Variants in CTDSPL2 observed in about 807,000 individuals in gnomAD.
CTDSPL2 encodes CTD small phosphatase like 2.
In CTDSPL2, 5 loss-of-function variants were observed where a neutral mutation model predicts 60.0. The observed-to-expected ratio is 0.08, with a 90% CI of 0.04 to 0.18. The LOEUF (loss-of-function observed/expected upper bound fraction) is 0.18. Among genes scored for constraint, CTDSPL2 ranks in the 10% least tolerant of loss-of-function variants. The pLI is 1.00. For synonymous variants in CTDSPL2, 186 were observed against 189.3 expected (o/e 0.98, Z 0.14); for missense variants, 370 against 548.8 (o/e 0.67, Z 3.26).
rs543328606 is a variant in CTDSPL2, at chr15:44,521,663, G to A, written c.1335+257G>A. On this transcript the variant is annotated intron_variant, in intron 12 of 12. Transcript: ENST00000260327. ...TCTTTAAAACATAATGATGGGCCGG[G>A]CGCGGTGGCTCACGCCTGTAATCCC... 7.2e-5 allele frequency among the ~76,000 whole-genome samples: 11 copies of A among 152,206 alleles called. No homozygotes were observed. The East Asian group carries it at 2.1e-3, about 29-fold the overall frequency.
intron 1 of CTDSPL2, among the ~76,000 whole-genome samples, chr15:44,446,200 A>G (rs1303063275): frequency 1.3e-5 from 2 of 152,170 alleles, no homozygotes; most frequent in African/African-American, 2.4e-5. Flanking sequence ...CTGGGATTAC[A>G]GGTATGAACC....
intron 1 of CTDSPL2, among the ~76,000 whole-genome samples, chr15:44,439,141 A>ATTATTG (rs1555429956): frequency 6.7e-6 from 1 of 149,308 alleles, no homozygotes; most frequent in African/African-American, 2.5e-5. Flanking sequence ...TATTATTATT[A>ATTATTG]TTGTTATTTA....
At chr15:44,514,739 T>A in intron 9 of CTDSPL2, 26 bp from the exon 10 acceptor site, 1 of 1,557,178 alleles carries the variant, frequency 6.4e-7, no homozygotes, top group Non-Finnish European at 8.8e-7. Flanking sequence ...TGTATAATGA[T>A]TACTTCTTTT....
At chr15:44,466,800 A>G (rs1009337151) in intron 2 of CTDSPL2, among the ~76,000 whole-genome samples, 3 of 151,392 alleles carry the variant, frequency 2.0e-5, no homozygotes, top group Non-Finnish European at 4.4e-5. Flanking sequence ...TTAGCTGGGC[A>G]TGGTGGCGGG....
intron 2 of CTDSPL2, among the ~76,000 whole-genome samples, chr15:44,468,209 T>C (rs2080735274): frequency 6.6e-6 from 1 of 152,166 alleles, no homozygotes. Flanking sequence ...GTGGGGTATC[T>C]TTTACTGTAA....
At chr15:44,507,563 G>T (rs2081491375) in intron 8 of CTDSPL2, among the ~76,000 whole-genome samples, 1 of 152,196 alleles carries the variant, frequency 6.6e-6, no homozygotes, top group African/African-American at 2.4e-5. Context: ...AGTGGGTTAT[G>T]AAATTGAGAC....
chr15:44,461,179 G>A (rs2080559745), intron 2 of CTDSPL2, among the ~76,000 whole-genome samples: 1 of 152,082 alleles, frequency 6.6e-6, no homozygotes, highest in South Asian at 2.1e-4. Context: ...ATAGGTTTTT[G>A]TTATGTCTTC....
intron 1 of CTDSPL2, among the ~76,000 whole-genome samples, chr15:44,433,461 C>CACAT (rs1170666419): frequency 1.4e-4 from 4 of 27,924 alleles, no homozygotes; most frequent in Non-Finnish European, 2.2e-4. Context: ...CATATATATA[C>CACAT]ACACACACAC....
intron 1 of CTDSPL2, among the ~76,000 whole-genome samples, chr15:44,432,681 G>A (rs892398783): frequency 2.0e-5 from 3 of 151,870 alleles, no homozygotes; most frequent in Non-Finnish European, 2.9e-5. Context: ...GTGCAGTGGC[G>A]CCATCTCAGC....
chr15:44,507,287 G>A (rs1211540818), intron 8 of CTDSPL2, among the ~76,000 whole-genome samples: 1 of 150,294 alleles, frequency 6.7e-6, no homozygotes, highest in Non-Finnish European at 1.5e-5. Flanking sequence ...GTTTCACCAT[G>A]TTGGCCAGGC....
At chr15:44,471,197 C>T (rs547058589) in intron 2 of CTDSPL2, among the ~76,000 whole-genome samples, 1 of 152,256 alleles carries the variant, frequency 6.6e-6, no homozygotes, top group South Asian at 2.1e-4. Flanking sequence ...CCCTCCCCTC[C>T]CCGAGTAGTA....
At position 44,494,952 on chromosome 15, in the gene CTDSPL2, A is replaced by C. The variant is rs367644796; in HGVS notation, c.692-1428A>C. On this transcript the variant is annotated intron_variant, in intron 5 of 12. Coordinates refer to ENST00000260327, the MANE Select transcript of CTDSPL2 (RefSeq NM_016396.3). ...ACAAAGAAAAAAACAGAATGTCTGC[A>C]TAGAGTAGCATTTCTTAATTTTTTG... 2.8e-4 allele frequency among the ~76,000 whole-genome samples: 43 copies of C among 152,152 alleles called. No individual in the cohort carries two copies. The East Asian group carries it at 8.2e-3, about 29-fold the overall frequency.
At chr15:44,520,088 C>A (rs960400724) in intron 11 of CTDSPL2, 2 of 151,324 alleles carry the variant, frequency 1.3e-5, no homozygotes, top group Non-Finnish European at 2.9e-5. Context: ...GTCATCCTTT[C>A]AAGGTATATT....
intron 2 of CTDSPL2, among the ~76,000 whole-genome samples, chr15:44,462,616 CTG>C (rs1339079193): frequency 1.3e-5 from 2 of 151,370 alleles, no homozygotes; most frequent in Non-Finnish European, 2.9e-5. Context: ...ACCTCCTTCT[CTG>C]TGGCCTCATT....
At chr15:44,517,601 C>T (rs561643907) in intron 10 of CTDSPL2, 1 of 152,030 alleles carries the variant, frequency 6.6e-6, no homozygotes, top group Admixed American at 6.6e-5. Flanking sequence ...TAGTTTTTTT[C>T]TAAAAATGCA....
chr15:44,528,423 G>C lies in CTDSPL2; in HGVS notation c.*4249G>C, dbSNP rs757135870. The C allele has an allele frequency of 2.0e-5, 3 of 151,158 alleles. No individual in the cohort carries two copies. Among genetic ancestry groups the C allele is most frequent in the Non-Finnish European group, 2.9e-5 (2 of 67,826 alleles). 9.4% of individuals were successfully genotyped at this position (151,158 alleles called of 1,614,324 possible). ...CTGGTGATTCTAATAGCCAGTATTG[G>C]GTAATCAATGTTTTAGCTAAATGTG... On this transcript the variant is annotated 3_prime_UTR_variant, in exon 13 of 13. Coordinates refer to ENST00000260327, the MANE Select transcript of CTDSPL2 (RefSeq NM_016396.3).
chr15:44,453,447 T>G (rs1434809356), intron 1 of CTDSPL2, among the ~76,000 whole-genome samples: 2 of 152,182 alleles, frequency 1.3e-5, no homozygotes, highest in African/African-American at 4.8e-5. Flanking sequence ...TATTATACTT[T>G]AAGTTCTAGG....
At chr15:44,445,287 A>AGGT (rs2080187079) in intron 1 of CTDSPL2, among the ~76,000 whole-genome samples, 1 of 152,020 alleles carries the variant, frequency 6.6e-6, no homozygotes, top group South Asian at 2.1e-4. Flanking sequence ...TCCCAGGCTC[A>AGGT]GGTGATCCTC....
chr15:44,474,581 C>T (rs990293158), intron 2 of CTDSPL2, among the ~76,000 whole-genome samples: 1 of 152,080 alleles, frequency 6.6e-6, no homozygotes, highest in African/African-American at 2.4e-5. Context: ...ATGGGCCAGG[C>T]TTGGTGGCTC....
Sources: gnomAD v4.1 joint callset for allele counts (sites outside exome capture counted in the v4.1 genomes callset) on GRCh38, gnomAD v4.1.1 for gene constraint, MANE v1.5 for transcripts, NCBI Gene and HGNC (gene_info 2026-07-23, HGNC 2026-07-21) for gene names.